The following SKA2 variants were observed in gnomAD, a reference collection of about 807,000 sequenced individuals.
SKA2 encodes the protein spindle and kinetochore associated complex subunit 2.
A neutral mutation model predicts 16.9 loss-of-function variants in SKA2; 13 were observed. The observed-to-expected ratio is 0.77, with a 90% CI of 0.50 to 1.22. The LOEUF (loss-of-function observed/expected upper bound fraction) is 1.22, where lower values mean the gene tolerates loss of function less well. Among genes scored for constraint, SKA2 ranks in the 50% most tolerant of loss-of-function variants. The pLI, the probability that SKA2 is intolerant of heterozygous loss-of-function variation, is 0.00. For synonymous variants in SKA2, 47 were observed against 48.5 expected (o/e 0.97, Z 0.13); for missense variants, 107 against 139.7 (o/e 0.77, Z 1.18).
chr17:59,119,279 T>C (rs1168962056), intron 3 of SKA2, 40 bp downstream of exon 3: 1 of 1,604,484 alleles, frequency 6.2e-7, no homozygotes, highest in Non-Finnish European at 8.5e-7. Flanking sequence ...CACTCAGAGC[T>C]AAAGCTAAAC....
intron 2 of SKA2, among the ~76,000 whole-genome samples, chr17:59,128,486 T>C (rs11658974): frequency 0.64 from 97,119 of 151,862 alleles, 31,777 homozygotes; most frequent in African/African-American, 0.77. Context: ...ATTAGCCAGA[T>C]GTGGTGGCAC....
chr17:59,117,481 C>T (rs1360964642), intron 3 of SKA2, among the ~76,000 whole-genome samples: 1 of 152,108 alleles, frequency 6.6e-6, no homozygotes, highest in East Asian at 1.9e-4. Flanking sequence ...ACTGCAGCCT[C>T]AAACTTCTGG....
rs145498769 is a variant in SKA2, at chr17:59,154,371, C to A, written c.33+760G>T. Among the ~76,000 whole-genome samples, 1,370 of 152,242 alleles carry A rather than the reference C, an allele frequency of 9.0e-3. 22 individuals carry two copies. The highest frequency in any genetic ancestry group is 0.031 in the African/African-American group (1,284 of 41,556). ...GGACAGCCCCCCAGCTGGGCGCCCC[C>A]CGAGCAGGCCAAACACGCCAGCAAC... On this transcript the variant is annotated intron_variant, in intron 1 of 3. Transcript: ENST00000330137.
chr17:59,129,683 A>G (rs1279628026), intron 2 of SKA2, among the ~76,000 whole-genome samples: 1 of 151,768 alleles, frequency 6.6e-6, no homozygotes, highest in Non-Finnish European at 1.5e-5. Flanking sequence ...GTGAAACCCC[A>G]TCTCTACTAA....
At chr17:59,117,912 T>C (rs1443759736) in intron 3 of SKA2, 1 of 152,200 alleles carries the variant, frequency 6.6e-6, no homozygotes, top group African/African-American at 2.4e-5. Flanking sequence ...ACATAAGTAT[T>C]GTTCATTTCA....
intron 1 of SKA2, among the ~76,000 whole-genome samples, chr17:59,140,392 C>G (rs935860761): frequency 1.8e-4 from 28 of 151,970 alleles, no homozygotes; most frequent in African/African-American, 6.5e-4. Flanking sequence ...CCATGCCTGG[C>G]TAATTTTTGT....
rs1250173845 is a variant in SKA2 at position 59,111,535 on chromosome 17, T to C, written c.*742A>G. On this transcript the variant is annotated 3_prime_UTR_variant, in exon 4 of 4. Coordinates refer to ENST00000330137, the MANE Select transcript of SKA2 (RefSeq NM_182620.4). Reference sequence around the variant, plus strand: ...GCAAAACTGGCAAGTAGCAGATAAGTGCTCTTCTAATTTCAGTTTCCTAGC... The same window carrying C: ...GCAAAACTGGCAAGTAGCAGATAAGCGCTCTTCTAATTTCAGTTTCCTAGC... 1 of 152,216 alleles carries C rather than the reference T, an allele frequency of 6.6e-6. No individual in the cohort carries two copies. The highest frequency in any genetic ancestry group is 1.5e-5 in the Non-Finnish European group (1 of 68,036). 9.4% of individuals were successfully genotyped at this position (152,216 alleles called of 1,614,324 possible).
At chr17:59,133,492 G>A (rs1431366661) in intron 1 of SKA2, among the ~76,000 whole-genome samples, 1 of 152,108 alleles carries the variant, frequency 6.6e-6, no homozygotes, top group Non-Finnish European at 1.5e-5. Context: ...CTCTTATTAT[G>A]AACTTTATCA....
intron 1 of SKA2, among the ~76,000 whole-genome samples, chr17:59,154,576 G>A (rs928246884): frequency 2.6e-5 from 4 of 152,192 alleles, no homozygotes; most frequent in Admixed American, 6.5e-5. Context: ...TGCCACCTCC[G>A]GATCAAACAG....
chr17:59,122,410 A>G (rs1353793827), intron 2 of SKA2, among the ~76,000 whole-genome samples: 3 of 152,122 alleles, frequency 2.0e-5, no homozygotes, highest in Non-Finnish European at 4.4e-5. Flanking sequence ...CAGGAGTTCC[A>G]GAACAGCATG....
Position 59,135,410 on chromosome 17 carries a change from G to A in SKA2, c.34-4043C>T, listed in dbSNP as rs1163577376. On this transcript the variant is annotated intron_variant, in intron 1 of 3. Coordinates refer to ENST00000330137, the MANE Select transcript of SKA2 (RefSeq NM_182620.4). ...CAGCTCACTGCACCCTCCACCTCCCGGGTTCAGGCAATTCTCCTGCCTCAG... is the reference window on the plus strand; with the variant it reads ...CAGCTCACTGCACCCTCCACCTCCCAGGTTCAGGCAATTCTCCTGCCTCAG... Among the ~76,000 whole-genome samples the A allele has an allele frequency of 2.0e-5, 3 of 149,116 alleles. No homozygotes were observed. The Admixed American group carries it at 2.0e-4, about 10-fold the overall frequency.
At chr17:59,149,865 C>T (rs2147821789) in intron 1 of SKA2, among the ~76,000 whole-genome samples, 1 of 152,176 alleles carries the variant, frequency 6.6e-6, no homozygotes, top group East Asian at 1.9e-4. Flanking sequence ...TTGCCAGGGA[C>T]TTGGGGAAGA....
At chr17:59,124,471 T>C (rs2046357894) in intron 2 of SKA2, 1 of 151,588 alleles carries the variant, frequency 6.6e-6, no homozygotes, top group Admixed American at 6.6e-5. Flanking sequence ...GGGAAATTGG[T>C]AGGAGGGAAG....
intron 2 of SKA2, among the ~76,000 whole-genome samples, chr17:59,122,993 G>A (rs1370246866): frequency 7.0e-6 from 1 of 141,886 alleles, no homozygotes; most frequent in Non-Finnish European, 1.5e-5. Flanking sequence ...CTGCACTCCA[G>A]CCTGGGCGGC....
At chr17:59,141,551 G>A (rs1158682816) in intron 1 of SKA2, among the ~76,000 whole-genome samples, 1 of 151,796 alleles carries the variant, frequency 6.6e-6, no homozygotes, top group Non-Finnish European at 1.5e-5. Flanking sequence ...TATGGTGAAG[G>A]TGAAACCTCA....
In SKA2 at chr17:59,112,309, CT is replaced by C; in HGVS notation, c.333del (p.Glu112SerfsTer20). ...SPLTKEEKTA[A>X]EQFKFHMPDL ...TCTGGCATGTGAAATTTGAATTGCT[CT>C]GCCGCAGTTTTCTCTTCTTTAGTCA... On this transcript the variant is annotated frameshift_variant, in exon 4 of 4. Transcript: ENST00000330137. LOFTEE classifies it high-confidence loss of function. 1 of 1,611,268 alleles carries C rather than the reference CT, an allele frequency of 6.2e-7. No individual in the cohort carries two copies. The highest frequency in any genetic ancestry group is 8.5e-7 in the Non-Finnish European group (1 of 1,179,610).
intron 2 of SKA2, among the ~76,000 whole-genome samples, chr17:59,128,995 T>C (rs1599666453): frequency 6.6e-6 from 1 of 152,198 alleles, no homozygotes; most frequent in East Asian, 1.9e-4. Context: ...AGATGAGAGA[T>C]GGAAGTCAGA....
chr17:59,140,374 A>G (rs1489749054), intron 1 of SKA2, among the ~76,000 whole-genome samples: 2 of 150,062 alleles, frequency 1.3e-5, no homozygotes, highest in African/African-American at 4.9e-5. Flanking sequence ...GATTACAGAC[A>G]CCTGCCACCA....
chr17:59,146,217 A>C (rs2046531161), intron 1 of SKA2, among the ~76,000 whole-genome samples: 1 of 152,030 alleles, frequency 6.6e-6, no homozygotes, highest in African/African-American at 2.4e-5. Context: ...ATGAGACTAC[A>C]CCAGGCTCGG....
Sources: gnomAD v4.1 joint callset for allele counts (sites outside exome capture counted in the v4.1 genomes callset) on GRCh38, gnomAD v4.1.1 for gene constraint, MANE v1.5 for transcripts, NCBI Gene and HGNC (gene_info 2026-07-23, HGNC 2026-07-21) for gene names.